The following CDH13 variants were observed in gnomAD, a reference collection of about 807,000 sequenced individuals.
CDH13 encodes the protein cadherin-13.
Under a neutral mutation model 63.8 loss-of-function variants are expected in CDH13, and 24 were observed. The observed-to-expected ratio is 0.38, with a 90% CI of 0.27 to 0.53. CDH13 has a LOEUF of 0.53. Among genes scored for constraint, CDH13 ranks in the 20% least tolerant of loss-of-function variants. The pLI is 0.85. For synonymous variants in CDH13, 503 were observed against 355.3 expected (o/e 1.42, Z -4.67); for missense variants, 1,049 against 903.1 (o/e 1.16, Z -2.07).
rs146206589 is a variant in CDH13 at position 83,446,405 on chromosome 16, A to T, written c.782-40072A>T. 8.6e-3 allele frequency among the ~76,000 whole-genome samples: 1,306 copies of T among 152,286 alleles called. 22 individuals carry two copies. Among genetic ancestry groups the T allele is most frequent in the South Asian group, 0.04 (195 of 4,820 alleles). ...CATAGATGGTCAGCTGAGCCTTTTTAAAAAAGGAAGTTGCTTAATGAGATC... is the reference window on the plus strand; with the variant it reads ...CATAGATGGTCAGCTGAGCCTTTTTTAAAAAGGAAGTTGCTTAATGAGATC... On this transcript the variant is annotated intron_variant, in intron 6 of 13. Transcript: ENST00000567109.
At chr16:82,725,977 C>T (rs2033073275) in intron 1 of CDH13, among the ~76,000 whole-genome samples, 1 of 152,018 alleles carries the variant, frequency 6.6e-6, no homozygotes, top group South Asian at 2.1e-4. Flanking sequence ...GGTGTGAAAC[C>T]TTTGGTGCAC....
chr16:83,193,291 A>G (rs759096443), intron 4 of CDH13, among the ~76,000 whole-genome samples: 3 of 151,654 alleles, frequency 2.0e-5, no homozygotes, highest in African/African-American at 2.4e-5. Flanking sequence ...TTTTATTCCT[A>G]TTTTACAGTG....
At chr16:82,887,745 C>G (rs181905027) in intron 2 of CDH13, among the ~76,000 whole-genome samples, 25 of 152,250 alleles carry the variant, frequency 1.6e-4, no homozygotes, top group Non-Finnish European at 2.5e-4. Flanking sequence ...TGCTTGAACC[C>G]TGCGGATGAG....
intron 3 of CDH13, among the ~76,000 whole-genome samples, chr16:83,087,045 T>G (rs1331755237): frequency 1.3e-5 from 2 of 151,904 alleles, no homozygotes; most frequent in Admixed American, 6.6e-5. Context: ...CCAAAGAAAA[T>G]CCACAAGTCA....
At chr16:82,718,364 T>C (rs1424492124) in intron 1 of CDH13, among the ~76,000 whole-genome samples, 1 of 152,102 alleles carries the variant, frequency 6.6e-6, no homozygotes, top group Non-Finnish European at 1.5e-5. Flanking sequence ...TGAGTGATGA[T>C]GGGATTCACC....
At chr16:83,533,618 C>CTTTT (rs11365656) in intron 7 of CDH13, among the ~76,000 whole-genome samples, 9 of 116,104 alleles carry the variant, frequency 7.8e-5, no homozygotes, top group Non-Finnish European at 1.0e-4. Context: ...TTTACATTAT[C>CTTTT]TTTTTTTTTT....
chr16:82,874,590 A>G lies in CDH13; in HGVS notation c.157+16117A>G, dbSNP rs141613513. The stretch of plus-strand genomic sequence containing the variant: ...CCCAGAGGATCTATTTTTAGCTAAA[A>G]CTGGTTTTAAATTTTCATATGTATA... On this transcript the variant is annotated intron_variant, in intron 2 of 13. Transcript: ENST00000567109. 5.1e-3 allele frequency among the ~76,000 whole-genome samples: 772 copies of G among 152,326 alleles called. 12 individuals carry two copies. Among genetic ancestry groups the G allele is most frequent in the Non-Finnish European group, 3.8e-3 (256 of 68,032 alleles).
intron 1 of CDH13, among the ~76,000 whole-genome samples, chr16:82,674,475 C>A (rs963190819): frequency 6.6e-6 from 1 of 152,174 alleles, no homozygotes; most frequent in African/African-American, 2.4e-5. Flanking sequence ...CATTCTGTCT[C>A]CATGATATCA....
chr16:83,018,878 T>C (rs964155729), intron 2 of CDH13, among the ~76,000 whole-genome samples: 16 of 152,188 alleles, frequency 1.1e-4, no homozygotes, highest in Admixed American at 5.9e-4. Flanking sequence ...AATAAAAATA[T>C]AGTCTAAAAG....
intron 2 of CDH13, among the ~76,000 whole-genome samples, chr16:82,960,606 T>G (rs114824769): frequency 6.6e-6 from 1 of 152,302 alleles, no homozygotes; most frequent in East Asian, 1.9e-4. Flanking sequence ...CCTTCTGGGC[T>G]TCACAAACAA....
chr16:83,036,920 A>G (rs1333505197), intron 3 of CDH13, among the ~76,000 whole-genome samples: 1 of 152,170 alleles, frequency 6.6e-6, no homozygotes, highest in East Asian at 1.9e-4. Context: ...GGAAGCTGGA[A>G]CAGAAAGGGA....
rs76484963 is a variant in CDH13, at chr16:82,640,758, G to T, written c.45+13621G>T. 3.5e-3 allele frequency among the ~76,000 whole-genome samples: 534 copies of T among 152,288 alleles called. 1 individual carries two copies. The highest frequency in any genetic ancestry group is 0.012 in the African/African-American group (501 of 41,572). ...ACTTCTTTAGGGTCACATATCACTA[G>T]ATTATTTGCATTAACTTTTATCAAG... On this transcript the variant is annotated intron_variant, in intron 1 of 13. Transcript: ENST00000567109.
chr16:82,713,082 G>A (rs541754526), intron 1 of CDH13, among the ~76,000 whole-genome samples: 1 of 151,584 alleles, frequency 6.6e-6, no homozygotes, highest in African/African-American at 2.4e-5. Context: ...TGTGTTTAGG[G>A]AAGGCAAAGG....
chr16:82,746,080 A>T (rs1413388036), intron 1 of CDH13, among the ~76,000 whole-genome samples: 1 of 151,832 alleles, frequency 6.6e-6, no homozygotes, highest in Admixed American at 6.6e-5. Flanking sequence ...GAATCTATCT[A>T]TGTCTTTCTA....
At chr16:82,909,035 C>T (rs1161602521) in intron 2 of CDH13, among the ~76,000 whole-genome samples, 1 of 152,140 alleles carries the variant, frequency 6.6e-6, no homozygotes, top group African/African-American at 2.4e-5. Context: ...CCAATCTTCT[C>T]CATATACAGA....
intron 7 of CDH13, among the ~76,000 whole-genome samples, chr16:83,495,299 T>C (rs2151576823): frequency 6.6e-6 from 1 of 152,312 alleles, no homozygotes; most frequent in East Asian, 1.9e-4. Context: ...AGGGTGTGTT[T>C]CCAGGTTATA....
chr16:83,367,415 T>C (rs372376446), intron 6 of CDH13, among the ~76,000 whole-genome samples: 1 of 152,366 alleles, frequency 6.6e-6, no homozygotes, highest in East Asian at 1.9e-4. Flanking sequence ...ATCGGGTTGT[T>C]ACTACTTTTT....
chr16:82,961,254 T>C (rs1056867090), intron 2 of CDH13, among the ~76,000 whole-genome samples: 1 of 152,146 alleles, frequency 6.6e-6, no homozygotes, highest in Non-Finnish European at 1.5e-5. Flanking sequence ...TAGCCAGGCC[T>C]AAAACCCCGG....
intron 4 of CDH13, among the ~76,000 whole-genome samples, chr16:83,154,784 T>A (rs540832719): frequency 1.3e-5 from 2 of 152,282 alleles, no homozygotes; most frequent in East Asian, 3.9e-4. Context: ...GATAAAGATT[T>A]TTGGCCCCAG....
Sources: allele counts gnomAD v4.1 joint callset (sites outside exome capture counted in the v4.1 genomes callset), GRCh38; gene constraint gnomAD v4.1.1; transcripts MANE v1.5; gene names NCBI Gene and HGNC (gene_info 2026-07-23, HGNC 2026-07-21).